The following C1QBP variants were observed in gnomAD, a reference collection of about 807,000 sequenced individuals.
C1QBP encodes complement C1q binding protein.
A neutral mutation model predicts 29.4 loss-of-function variants in C1QBP; 24 were observed. That is an observed-to-expected ratio of 0.82 (90% confidence interval 0.59 to 1.15). The LOEUF (loss-of-function observed/expected upper bound fraction) is 1.15, where lower values mean the gene tolerates loss of function less well. C1QBP is among the 50% of genes most tolerant of loss of function. The pLI is 0.00. For missense variants in C1QBP, 337 were observed against 355.8 expected (o/e 0.95, Z 0.43); for synonymous variants, 182 against 149.2 (o/e 1.22, Z -1.60).
At chr17:5,434,235 G>A (rs900357946) in intron 3 of C1QBP, 3 of 200,586 alleles carry the variant, frequency 1.5e-5, no homozygotes, top group East Asian at 2.6e-4. Context: ...TGGGTCCAAC[G>A]TCAGGGAGAT....
rs1478276103 is a variant in C1QBP, at chr17:5,432,984, A to G, written c.*31T>C. ...ATTTGTTCACTGGCCAAAGCCTGCC[A>G]TGAAACTATGGCTTTCAGCATCTGT... On this transcript the variant is annotated 3_prime_UTR_variant, in exon 6 of 6. Coordinates refer to ENST00000225698, the MANE Select transcript of C1QBP (RefSeq NM_001212.4). The G allele has an allele frequency of 1.9e-6, 3 of 1,594,778 alleles. No homozygotes were observed. The highest frequency in any genetic ancestry group is 2.6e-6 in the Non-Finnish European group (3 of 1,171,270).
In C1QBP at chr17:5,433,636, G is replaced by A. The variant is rs778698906; in HGVS notation, c.576+33C>T. On this transcript the variant is annotated intron_variant, in intron 4 of 5. Transcript: ENST00000225698. Reference sequence around the variant, plus strand: ...CCCAAGGGACACACTGTTCCCCAGGGGTGCCAAGAGGCTAGCACTCCATCC... The same window carrying A: ...CCCAAGGGACACACTGTTCCCCAGGAGTGCCAAGAGGCTAGCACTCCATCC... 5.6e-6 allele frequency: 9 copies of A among 1,595,008 alleles called. No homozygotes were observed. In the African/African-American group the frequency reaches 1.2e-4, roughly 21 times the overall value.
Position 5,439,050 on chromosome 17 carries a change from C to T in C1QBP, c.24G>A (p.Val8=), listed in dbSNP as rs1284901960. ...CGACGGAGGAGCCCAGCACACGGGG[C>T]ACGCAGCGCAGCAGAGGCAGCATCG... is the stretch of plus-strand genomic sequence containing the variant. MLPLLRC[V]PRVLGSSVAG... Residue 8 remains valine, a synonymous_variant, in exon 1 of 6, where the codon GTG becomes GTA. Coordinates refer to ENST00000225698, the MANE Select transcript of C1QBP (RefSeq NM_001212.4). The T allele has an allele frequency of 1.3e-5, 20 of 1,530,384 alleles. No individual in the cohort carries two copies. The Admixed American group carries it at 3.4e-4, about 26-fold the overall frequency. 94.8% of individuals were successfully genotyped at this position (1,530,384 alleles called of 1,614,324 possible). A position where few individuals can be genotyped will look rare whatever the true frequency, so the allele number is the denominator to read the frequency against.
intron 3 of C1QBP, 83 bp downstream of exon 3, chr17:5,434,790 G>T: frequency 3.9e-6 from 5 of 1,285,372 alleles, no homozygotes; most frequent in African/African-American, 1.5e-5. Context: ...TTTTTTGAAA[G>T]ACCAAAGAAA....
chr17:5,438,079 G>A (rs770691931), intron 2 of C1QBP, 44 bp downstream of exon 2: 3 of 1,600,320 alleles, frequency 1.9e-6, no homozygotes, highest in Admixed American at 1.7e-5. Context: ...GGTCCTGCAA[G>A]GTTAAGGGAG....
At chr17:5,433,217 A>G in intron 5 of C1QBP, 53 bp from the exon 6 acceptor site, 1 of 1,609,678 alleles carries the variant, frequency 6.2e-7, no homozygotes, top group South Asian at 1.1e-5. Context: ...GAACATTAAA[A>G]TGCTTTTTTC....
chr17:5,439,141 G>T lies in C1QBP; in HGVS notation c.-68C>A, dbSNP rs1040214569. 6.6e-7 allele frequency: 1 copy of T among 1,526,004 alleles called. No individual in the cohort carries two copies. The highest frequency in any genetic ancestry group is 8.8e-7 in the Non-Finnish European group (1 of 1,136,434). The allele number at this position is 1,526,004 out of a possible 1,614,324, so 94.5% of individuals were successfully genotyped here. On this transcript the variant is annotated 5_prime_UTR_variant, in exon 1 of 6. Coordinates refer to ENST00000225698, the MANE Select transcript of C1QBP (RefSeq NM_001212.4). Reference sequence around the variant, plus strand: ...CAGGCCTAGGCGCCCCGCGACCTGAGGCGCCGCCGGAAGCCCCGCCCCTGC... The same window carrying T: ...CAGGCCTAGGCGCCCCGCGACCTGATGCGCCGCCGGAAGCCCCGCCCCTGC...
At chr17:5,435,021 C>A (rs962019925) in intron 2 of C1QBP, 55 bp from the exon 3 acceptor site, 4 of 1,458,086 alleles carry the variant, frequency 2.7e-6, no homozygotes, top group African/African-American at 1.4e-5. Flanking sequence ...TGGTTTTAAC[C>A]GAGCAGGTTA....
chr17:5,435,888 A>G (rs915602155), intron 2 of C1QBP, among the ~76,000 whole-genome samples: 4 of 149,146 alleles, frequency 2.7e-5, no homozygotes, highest in Non-Finnish European at 4.4e-5. Flanking sequence ...AAAAAAAAAA[A>G]AAAAAAAATT....
In C1QBP at chr17:5,433,653, A is replaced by G. The variant is rs1916173692; in HGVS notation, c.576+16T>C. On this transcript the variant is annotated intron_variant, in intron 4 of 5. Coordinates refer to ENST00000225698, the MANE Select transcript of C1QBP (RefSeq NM_001212.4). Reference sequence around the variant, plus strand: ...TCCCCAGGGGTGCCAAGAGGCTAGCACTCCATCCTGCATACCTCATCCTCT... The same window carrying G: ...TCCCCAGGGGTGCCAAGAGGCTAGCGCTCCATCCTGCATACCTCATCCTCT... 1 of 1,611,692 alleles carries G rather than the reference A, an allele frequency of 6.2e-7. No individual in the cohort carries two copies. The highest frequency in any genetic ancestry group is 8.5e-7 in the Non-Finnish European group (1 of 1,177,902).
At chr17:5,435,756 G>A (rs1430561422) in intron 2 of C1QBP, among the ~76,000 whole-genome samples, 3 of 151,722 alleles carry the variant, frequency 2.0e-5, no homozygotes, top group African/African-American at 4.8e-5. Context: ...AAGGCTGGGC[G>A]CAGTGGCTCA....
Position 5,439,053 on chromosome 17 carries a change from G to C in C1QBP, c.21C>G (p.Cys7Trp). 3 of 1,531,488 alleles carry C rather than the reference G, an allele frequency of 2.0e-6. No individual in the cohort carries two copies. The highest frequency in any genetic ancestry group is 2.6e-6 in the Non-Finnish European group (3 of 1,139,600). The allele number at this position is 1,531,488 out of a possible 1,614,324, so 94.9% of individuals were successfully genotyped here. Reference protein sequence around the residue: MLPLLRCVPRVLGSSVA... With the variant: MLPLLRWVPRVLGSSVA... ...CGGAGGAGCCCAGCACACGGGGCACGCAGCGCAGCAGAGGCAGCATCGCGG... is the reference window on the plus strand; with the variant it reads ...CGGAGGAGCCCAGCACACGGGGCACCCAGCGCAGCAGAGGCAGCATCGCGG... Residue 7 changes from cysteine (C) to tryptophan (W), a missense_variant, in exon 1 of 6, where the codon TGC becomes TGG. By Grantham distance (215) the Cys-to-Trp change is radical. Transcript: ENST00000225698.
chr17:5,434,464 C>CTTTTT (rs576803401), intron 3 of C1QBP, among the ~76,000 whole-genome samples: 8,929 of 97,632 alleles, frequency 0.091, 1,036 homozygotes, highest in East Asian at 0.5. Flanking sequence ...TTCTCTCTCT[C>CTTTTT]TTTTTTTTTT....
At position 5,435,874 on chromosome 17, in the gene C1QBP, CAAAAA is replaced by C. The variant is rs200057698; in HGVS notation, c.384-913_384-909del. ...GAAACTCCATCTCTACTAAAAAATA[CAAAAA>C]AAAAAAAAAAAAAAAAATTAGCTGG... On this transcript the variant is annotated intron_variant, in intron 2 of 5. Transcript: ENST00000225698. 6.8e-3 allele frequency among the ~76,000 whole-genome samples: 714 copies of C among 105,672 alleles called. 15 individuals are homozygous for C. Among genetic ancestry groups the C allele is most frequent in the Middle Eastern group, 0.035 (7 of 200 alleles). 69.3% of individuals were successfully genotyped at this position (105,672 alleles called of 152,430 possible).
At position 5,433,084 on chromosome 17, in the gene C1QBP, G is replaced by A. The variant is rs1439475909; in HGVS notation, c.780C>T (p.Ser260=). ...NTFADELVEL[S]TALEHQEYIT... is the part of the protein sequence containing the mutation. ...TGTACTCCTGGTGCTCCAGGGCTGT[G>A]CTGAGCTCCACCAGCTCATCTGCAA... Residue 260 remains serine, a synonymous_variant, in exon 6 of 6, where the codon AGC becomes AGT. Coordinates refer to ENST00000225698, the MANE Select transcript of C1QBP (RefSeq NM_001212.4). The A allele has an allele frequency of 1.2e-6, 2 of 1,614,122 alleles. No homozygotes were observed. The highest frequency in any genetic ancestry group is 2.2e-5 in the East Asian group (1 of 44,892).
At chr17:5,438,546 T>C in intron 1 of C1QBP, 1 of 701,832 alleles carries the variant, frequency 1.4e-6, no homozygotes, top group Non-Finnish European at 2.3e-6. Flanking sequence ...TGCCAAACGA[T>C]ATAACTATGC....
chr17:5,433,740 C>T lies in C1QBP; in HGVS notation c.505G>A (p.Val169Met), dbSNP rs371917632. Residue 169 changes from valine (V) to methionine (M), a missense_variant, in exon 4 of 6, where the codon GTG becomes ATG. Coordinates refer to ENST00000225698, the MANE Select transcript of C1QBP (RefSeq NM_001212.4). ...EPELTSTPNF[V>M]VEVIKNDDGK... ...TCATCATTCTTTATAACTTCAACCA[C>T]GAAATTGGGAGTTGATGTCAGTTCA... The T allele has an allele frequency of 7.4e-6, 12 of 1,614,062 alleles. No individual in the cohort carries two copies. The highest frequency in any genetic ancestry group is 5.3e-5 in the African/African-American group (4 of 74,920).
intron 3 of C1QBP, chr17:5,434,001 G>A: frequency 3.5e-6 from 2 of 563,924 alleles, no homozygotes; most frequent in South Asian, 2.0e-5. Context: ...ACCAGCCTCA[G>A]CTATGTGCCA....
intron 1 of C1QBP, 162 bp downstream of exon 1, chr17:5,438,680 T>G: frequency 1.4e-6 from 2 of 1,439,630 alleles, no homozygotes; most frequent in Non-Finnish European, 1.9e-6. Context: ...AACTGCTGGA[T>G]AGGGGAGGTG....
Sources: allele counts gnomAD v4.1 joint callset (sites outside exome capture counted in the v4.1 genomes callset), GRCh38; gene constraint gnomAD v4.1.1; transcripts MANE v1.5; gene names NCBI Gene and HGNC (gene_info 2026-07-23, HGNC 2026-07-21).